The following IL1RAPL1 variants were observed in gnomAD, a reference collection of about 807,000 sequenced individuals.
The protein encoded by IL1RAPL1 is interleukin-1 receptor accessory protein-like 1.
Under a neutral mutation model 48.4 loss-of-function variants are expected in IL1RAPL1, and 3 were observed. That is an observed-to-expected ratio of 0.06 (90% confidence interval 0.03 to 0.16). The LOEUF (loss-of-function observed/expected upper bound fraction) is 0.16. Ranked by LOEUF, IL1RAPL1 falls within the 10% of genes least tolerant of loss-of-function variation. The pLI is 1.00. For missense variants in IL1RAPL1, 349 were observed against 530.6 expected, an observed-to-expected ratio of 0.66 and a Z score of 3.36; for synonymous variants, 185 against 187.7, an observed-to-expected ratio of 0.99 and a Z score of 0.12.
chrX:29,374,609 T>A (rs1301291052), intron 3 of IL1RAPL1, among the ~76,000 whole-genome samples: 1 of 109,405 alleles, frequency 9.1e-6, no homozygotes, highest in Non-Finnish European at 1.9e-5. Context: ...GTACAAAGAT[T>A]GTATGGTTCC....
chrX:28,929,505 A>C (rs1437109837), intron 2 of IL1RAPL1, among the ~76,000 whole-genome samples: 2 of 111,946 alleles, frequency 1.8e-5, no homozygotes, highest in Non-Finnish European at 3.8e-5. Flanking sequence ...GGTATCTGTA[A>C]CTGTTCTGAG....
At chrX:29,433,447 A>G (rs186420622) in intron 5 of IL1RAPL1, among the ~76,000 whole-genome samples, 64 of 111,329 alleles carry the variant, frequency 5.7e-4, no homozygotes, top group Admixed American at 2.5e-3. Flanking sequence ...TTTAAGTAAT[A>G]CTTTGATGAA....
intron 2 of IL1RAPL1, among the ~76,000 whole-genome samples, chrX:29,257,284 C>T (rs1319028831): frequency 9.0e-6 from 1 of 110,746 alleles, no homozygotes; most frequent in African/African-American, 3.3e-5. Flanking sequence ...CCAAGTTTGC[C>T]CTAATGCATT....
At chrX:29,577,529 G>A (rs1322333409) in intron 5 of IL1RAPL1, among the ~76,000 whole-genome samples, 1 of 111,649 alleles carries the variant, frequency 9.0e-6, no homozygotes, top group African/African-American at 3.3e-5. Context: ...ACCCCAATCT[G>A]AGCTTGCTAT....
chrX:29,640,310 G>A (rs1164929943), intron 5 of IL1RAPL1, among the ~76,000 whole-genome samples: 1 of 111,651 alleles, frequency 9.0e-6, no homozygotes, highest in Non-Finnish European at 1.9e-5. Flanking sequence ...TGAGAGGAGG[G>A]AGGTTCAATC....
intron 5 of IL1RAPL1, among the ~76,000 whole-genome samples, chrX:29,571,991 TTTATC>T (rs780590319): frequency 1.8e-5 from 2 of 112,297 alleles, no homozygotes; most frequent in Non-Finnish European, 3.8e-5. Context: ...CCCAGGGTCT[TTTATC>T]TTATAAGTTG....
At chrX:29,907,677 A>G (rs1329132332) in intron 6 of IL1RAPL1, among the ~76,000 whole-genome samples, 1 of 111,887 alleles carries the variant, frequency 8.9e-6, no homozygotes, top group Non-Finnish European at 1.9e-5. Context: ...TGTTTAGACC[A>G]ACAACGTAAT....
intron 6 of IL1RAPL1, among the ~76,000 whole-genome samples, chrX:29,740,049 T>C (rs1388646860): frequency 2.9e-5 from 3 of 102,904 alleles, no homozygotes; most frequent in Non-Finnish European, 5.9e-5. Flanking sequence ...TGAGCCAAGA[T>C]TGCACCATTG....
intron 6 of IL1RAPL1, among the ~76,000 whole-genome samples, chrX:29,830,447 C>T (rs1449655774): frequency 5.6e-5 from 6 of 107,621 alleles, no homozygotes; most frequent in African/African-American, 2.0e-4. Flanking sequence ...CCAATTCTGA[C>T]TCTTTTTTTT....
At chrX:29,219,426 G>T (rs752095242) in intron 2 of IL1RAPL1, among the ~76,000 whole-genome samples, 1 of 111,257 alleles carries the variant, frequency 9.0e-6, no homozygotes, top group Admixed American at 9.6e-5. Context: ...GCAAGGGAGT[G>T]AGCTACTAAT....
At chrX:29,075,502 A>G (rs1373682670) in intron 2 of IL1RAPL1, among the ~76,000 whole-genome samples, 1 of 111,942 alleles carries the variant, frequency 8.9e-6, no homozygotes, top group African/African-American at 3.2e-5. Context: ...TCTTGGAACA[A>G]GTTGGTCTTC....
At chrX:28,983,679 A>T (rs1290009695) in intron 2 of IL1RAPL1, among the ~76,000 whole-genome samples, 3 of 112,130 alleles carry the variant, frequency 2.7e-5, no homozygotes, top group Non-Finnish European at 5.6e-5. Context: ...CAAAAATCAC[A>T]AGGTAAAATA....
chrX:28,961,281 C>A (rs1186016241), intron 2 of IL1RAPL1, among the ~76,000 whole-genome samples: 3 of 110,948 alleles, frequency 2.7e-5, no homozygotes, highest in Non-Finnish European at 5.7e-5. Flanking sequence ...AACTTAAGGA[C>A]AACTGTAAAT....
chrX:29,844,901 C>T (rs1931214267), intron 6 of IL1RAPL1, among the ~76,000 whole-genome samples: 1 of 111,641 alleles, frequency 9.0e-6, no homozygotes, highest in Admixed American at 9.5e-5. Context: ...TATAAGTGTC[C>T]TTATAAGAGA....
intron 2 of IL1RAPL1, among the ~76,000 whole-genome samples, chrX:29,143,112 A>G (rs1929278153): frequency 9.0e-6 from 1 of 111,691 alleles, no homozygotes. Context: ...GAGTATATTA[A>G]TATCTGCAAA....
At chrX:29,107,964 T>C (rs1469466205) in intron 2 of IL1RAPL1, among the ~76,000 whole-genome samples, 1 of 111,380 alleles carries the variant, frequency 9.0e-6, no homozygotes, top group African/African-American at 3.3e-5. Context: ...GTTGGAAAGG[T>C]GCATGTATGA....
chrX:29,126,157 G>A, intron 2 of IL1RAPL1, among the ~76,000 whole-genome samples: 1 of 111,562 alleles, frequency 9.0e-6, no homozygotes, highest in African/African-American at 3.3e-5. Context: ...GACACAGACT[G>A]TCAAAAGCCA....
At chrX:28,844,586 C>T (rs1921460729) in intron 2 of IL1RAPL1, among the ~76,000 whole-genome samples, 1 of 110,316 alleles carries the variant, frequency 9.1e-6, no homozygotes, top group Non-Finnish European at 1.9e-5. Context: ...TCATGTCTTA[C>T]TTTAAAATAT....
chrX:29,770,685 T>A (rs1478641736), intron 6 of IL1RAPL1, among the ~76,000 whole-genome samples: 2 of 112,303 alleles, frequency 1.8e-5, no homozygotes, highest in East Asian at 5.6e-4. Context: ...TTAGCTGCCA[T>A]TCTGTGCTGC....
Sources: gnomAD v4.1 joint callset for allele counts (sites outside exome capture counted in the v4.1 genomes callset) on GRCh38, gnomAD v4.1.1 for gene constraint, MANE v1.5 for transcripts, NCBI Gene and HGNC (gene_info 2026-07-23, HGNC 2026-07-21) for gene names.